The following METTL16 variants were observed in gnomAD, a reference collection of about 807,000 sequenced individuals.
The protein encoded by METTL16 is methyltransferase 16, RNA N6-adenosine, also known as RNA N(6)-adenosine-methyltransferase METTL16.
Under a neutral mutation model 57.9 loss-of-function variants are expected in METTL16, and 19 were observed. The observed-to-expected ratio is 0.33, with a 90% confidence interval of 0.23 to 0.48. The LOEUF is 0.48. Among genes scored for constraint, METTL16 ranks in the 20% least tolerant of loss-of-function variants. The probability of loss-of-function intolerance (pLI) is 0.99; values close to 1 mark genes in which losing one functional copy is unlikely to be tolerated. For missense variants in METTL16, 434 were observed against 691.5 expected (o/e 0.63, Z 4.18); for synonymous variants, 246 against 255.6 (o/e 0.96, Z 0.36).
intron 4 of METTL16, among the ~76,000 whole-genome samples, chr17:2,470,928 G>A (rs957927191): frequency 6.6e-6 from 1 of 152,200 alleles, no homozygotes; most frequent in African/African-American, 2.4e-5. Flanking sequence ...TGAAAGAGAA[G>A]AGGCAAGTTA....
intron 7 of METTL16, among the ~76,000 whole-genome samples, chr17:2,440,168 G>C (rs2066937415): frequency 6.6e-6 from 1 of 152,116 alleles, no homozygotes; most frequent in Non-Finnish European, 1.5e-5. Context: ...GAAGTGGGAG[G>C]ATTGCTTAAG....
intron 8 of METTL16, among the ~76,000 whole-genome samples, chr17:2,434,372 G>A (rs1362328278): frequency 1.3e-5 from 2 of 151,970 alleles, no homozygotes; most frequent in Admixed American, 6.6e-5. Flanking sequence ...GCACCACCAC[G>A]CCCAGCTAAC....
At chr17:2,509,911 CA>C (rs776727388) in intron 1 of METTL16, among the ~76,000 whole-genome samples, 288 of 105,270 alleles carry the variant, frequency 2.7e-3, no homozygotes, top group Middle Eastern at 6.4e-3. Context: ...CACTCCGTCT[CA>C]AAAAAAAAAA....
chr17:2,440,804 C>A (rs1414194693), intron 7 of METTL16, among the ~76,000 whole-genome samples: 1 of 151,454 alleles, frequency 6.6e-6, no homozygotes, highest in African/African-American at 2.4e-5. Context: ...GACCCCATCA[C>A]TACTAAAGAA....
chr17:2,461,232 C>T (rs1280346269), intron 6 of METTL16, among the ~76,000 whole-genome samples: 2 of 152,090 alleles, frequency 1.3e-5, no homozygotes, highest in African/African-American at 4.8e-5. Flanking sequence ...TGGCGCGTGC[C>T]TGTAGTCCCA....
intron 8 of METTL16, among the ~76,000 whole-genome samples, chr17:2,429,450 A>G (rs2066853910): frequency 6.6e-6 from 1 of 151,012 alleles, no homozygotes. Flanking sequence ...GGCCTCCCAA[A>G]GTGCTGGGAT....
At chr17:2,424,182 C>T (rs1427433545) in intron 8 of METTL16, 26 of 149,598 alleles carry the variant, frequency 1.7e-4, no homozygotes, top group Admixed American at 6.6e-4. Context: ...GGCGGGATCT[C>T]GGCTCACTGC....
In METTL16 at chr17:2,450,872, G is replaced by A. The variant is rs1178509470; in HGVS notation, c.729-9313C>T. On this transcript the variant is annotated intron_variant, in intron 6 of 9. Coordinates refer to ENST00000263092, the MANE Select transcript of METTL16 (RefSeq NM_024086.4). ...TGAATTTTCAAGAATTTAATTTCAAGAATTTAAATTTCAAGAAATTTCAAG... is the reference window on the plus strand; with the variant it reads ...TGAATTTTCAAGAATTTAATTTCAAAAATTTAAATTTCAAGAAATTTCAAG... Among the ~76,000 whole-genome samples the A allele has an allele frequency of 3.9e-5, 6 of 151,972 alleles. No individual in the cohort carries two copies. In the East Asian group the frequency reaches 1.2e-3, roughly 29 times the overall value.
chr17:2,428,151 A>G (rs967391621), intron 8 of METTL16, among the ~76,000 whole-genome samples: 70 of 152,036 alleles, frequency 4.6e-4, no homozygotes, highest in African/African-American at 1.6e-3. Flanking sequence ...AAAAGCCTCT[A>G]AAAACAATGA....
intron 2 of METTL16, among the ~76,000 whole-genome samples, chr17:2,478,735 CATA>C (rs2067284105): frequency 6.6e-6 from 1 of 152,214 alleles, no homozygotes; most frequent in Non-Finnish European, 1.5e-5. Flanking sequence ...TAACTGAAAT[CATA>C]ATGAGGTCTT....
intron 8 of METTL16, among the ~76,000 whole-genome samples, chr17:2,431,845 TAAC>T (rs1363134546): frequency 6.6e-6 from 1 of 152,124 alleles, no homozygotes; most frequent in East Asian, 1.9e-4. Flanking sequence ...TTTGTAGAAA[TAAC>T]AACGGAGCAA....
At chr17:2,461,543 AG>A (rs1194970732) in intron 6 of METTL16, among the ~76,000 whole-genome samples, 1 of 149,846 alleles carries the variant, frequency 6.7e-6, no homozygotes, top group Admixed American at 6.7e-5. Flanking sequence ...CCTGTTTCTG[AG>A]GATGTTTTCA....
In METTL16 at chr17:2,419,856, A is replaced by G; in HGVS notation, c.*114T>C. The stretch of plus-strand genomic sequence containing the variant: ...ACAGATTCATAGGTTTTTGTTTTCG[A>G]AGATAATTCCACATCGTGCTACTAA... On this transcript the variant is annotated 3_prime_UTR_variant, in exon 10 of 10. Transcript: ENST00000263092. The G allele has an allele frequency of 2.2e-6, 3 of 1,334,208 alleles. No individual in the cohort carries two copies. Among genetic ancestry groups the G allele is most frequent in the Non-Finnish European group, 1.1e-6 (1 of 951,322 alleles). 82.6% of individuals were successfully genotyped at this position (1,334,208 alleles called of 1,614,324 possible).
At position 2,448,801 on chromosome 17, in the gene METTL16, T is replaced by TA. The variant is rs1567889993; in HGVS notation, c.729-7243_729-7242insT. On this transcript the variant is annotated intron_variant, in intron 6 of 9. Transcript: ENST00000263092. ...AAAAATAAAAAAATAAAAATAAAATTTAAAAAAAAAAAAAAAAAAAAAAAA... is the reference window on the plus strand; with the variant it reads ...AAAAATAAAAAAATAAAAATAAAATTATAAAAAAAAAAAAAAAAAAAAAAAA... Among the ~76,000 whole-genome samples, 211 of 47,332 alleles carry TA rather than the reference T, an allele frequency of 4.5e-3. 6 individuals are homozygous for TA. Among genetic ancestry groups the TA allele is most frequent in the Middle Eastern group, 0.013 (1 of 80 alleles). The allele number at this position is 47,332 out of a possible 152,430, so 31.1% of individuals were successfully genotyped here. A position where few individuals can be genotyped will look rare whatever the true frequency, so the allele number is the denominator to read the frequency against.
intron 2 of METTL16, 101 bp downstream of exon 2, chr17:2,502,103 T>C (rs984076201): frequency 1.6e-6 from 2 of 1,279,398 alleles, no homozygotes; most frequent in African/African-American, 1.5e-5. Flanking sequence ...GCATGGGACG[T>C]TTAATCAAAT....
chr17:2,430,590 G>T (rs562290846), intron 8 of METTL16, among the ~76,000 whole-genome samples: 22 of 107,542 alleles, frequency 2.0e-4, no homozygotes, highest in African/African-American at 6.0e-4. Context: ...TAATTTTTTT[G>T]TATTTTTTTA....
intron 8 of METTL16, among the ~76,000 whole-genome samples, chr17:2,423,261 GGTGTGTGTGTGTGTGTGTGT>G (rs58486923): frequency 2.8e-5 from 4 of 143,602 alleles, no homozygotes; most frequent in Non-Finnish European, 6.1e-5. Context: ...AAAAACAAAG[GGTGTGTGTGTGTGTGTGTGT>G]GTGTGTGTGT....
chr17:2,443,031 C>T (rs2066965547), intron 6 of METTL16, among the ~76,000 whole-genome samples: 1 of 151,838 alleles, frequency 6.6e-6, no homozygotes, highest in African/African-American at 2.4e-5. Context: ...ACTCTGTCGC[C>T]CAGGCTGGAG....
intron 5 of METTL16, among the ~76,000 whole-genome samples, chr17:2,467,024 T>C (rs1422940186): frequency 2.6e-5 from 4 of 151,936 alleles, no homozygotes; most frequent in Non-Finnish European, 2.9e-5. Flanking sequence ...CAGGCTGGTT[T>C]TGAACTCCGA....
Sources: allele counts gnomAD v4.1 joint callset (sites outside exome capture counted in the v4.1 genomes callset), GRCh38; gene constraint gnomAD v4.1.1; transcripts MANE v1.5; gene names NCBI Gene and HGNC (gene_info 2026-07-23, HGNC 2026-07-21).